SORCS2: variants seen among roughly 807,000 people sequenced by gnomAD.
SORCS2 encodes VPS10 domain-containing receptor SorCS2.
In SORCS2, 100 loss-of-function variants were observed where a neutral mutation model predicts 141.6. The observed-to-expected ratio is 0.71, with a 90% CI of 0.60 to 0.83. The LOEUF is 0.83. SORCS2 is among the 40% of genes least tolerant of loss of function. The pLI, the probability that SORCS2 is intolerant of heterozygous loss-of-function variation, is 0.00. For missense variants in SORCS2, 1,646 were observed against 1,560.2 expected (o/e 1.05, Z -0.93); for synonymous variants, 789 against 676.9 (o/e 1.17, Z -2.57).
chr4:7,219,930 C>T (rs537913077), intron 1 of SORCS2, among the ~76,000 whole-genome samples: 1 of 152,352 alleles, frequency 6.6e-6, no homozygotes, highest in African/African-American at 2.4e-5. Context: ...TCGTGTTCCA[C>T]CGTGATGACT....
At chr4:7,338,206 T>G (rs58185145) in intron 1 of SORCS2, among the ~76,000 whole-genome samples, 2 of 123,208 alleles carry the variant, frequency 1.6e-5, no homozygotes, top group African/African-American at 3.2e-5. Flanking sequence ...TGGATGTTGG[T>G]TGGATGGATG....
intron 1 of SORCS2, among the ~76,000 whole-genome samples, chr4:7,268,458 C>G (rs765923134): frequency 1.4e-4 from 21 of 152,184 alleles, no homozygotes; most frequent in Non-Finnish European, 2.2e-4. Flanking sequence ...GCAATGGGGC[C>G]GTCAAACTGA....
intron 1 of SORCS2, among the ~76,000 whole-genome samples, chr4:7,293,911 G>A (rs538286773): frequency 5.9e-5 from 9 of 152,314 alleles, no homozygotes; most frequent in African/African-American, 1.7e-4. Context: ...CCAGCAGGGC[G>A]CATTTGGATG....
At chr4:7,401,459 A>C (rs1290963537) in intron 2 of SORCS2, among the ~76,000 whole-genome samples, 1 of 152,124 alleles carries the variant, frequency 6.6e-6, no homozygotes, top group Non-Finnish European at 1.5e-5. Flanking sequence ...GGGTCATCTT[A>C]GGGGATGCTG....
intron 1 of SORCS2, among the ~76,000 whole-genome samples, chr4:7,358,237 C>T (rs763444353): frequency 4.6e-5 from 7 of 152,152 alleles, no homozygotes; most frequent in African/African-American, 1.2e-4. Context: ...GAAGAGGGGC[C>T]GTTGATGGCC....
At chr4:7,407,335 T>C (rs573180442) in intron 2 of SORCS2, among the ~76,000 whole-genome samples, 2 of 152,240 alleles carry the variant, frequency 1.3e-5, no homozygotes, top group East Asian at 1.9e-4. Context: ...GATTTATTAA[T>C]GTTTGCTTTA....
intron 2 of SORCS2, among the ~76,000 whole-genome samples, chr4:7,448,109 T>C (rs926231442): frequency 4.6e-5 from 7 of 152,212 alleles, no homozygotes; most frequent in African/African-American, 7.2e-5. Context: ...GAGAGTCCAC[T>C]GTGGGAAGAA....
intron 2 of SORCS2, among the ~76,000 whole-genome samples, chr4:7,503,297 G>T (rs1290414774): frequency 2.0e-5 from 3 of 152,200 alleles, no homozygotes; most frequent in African/African-American, 7.2e-5. Flanking sequence ...AAAGAAAGTG[G>T]TGAGGCTGCC....
At chr4:7,280,288 C>G (rs6858286) in intron 1 of SORCS2, among the ~76,000 whole-genome samples, 36,799 of 151,978 alleles carry the variant, frequency 0.24, 4,709 homozygotes, top group Non-Finnish European at 0.26. Context: ...GGCACTGGGT[C>G]TCTCCCAGGG....
chr4:7,734,961 G>A (rs1310858151), intron 25 of SORCS2, among the ~76,000 whole-genome samples: 1 of 152,192 alleles, frequency 6.6e-6, no homozygotes, highest in Non-Finnish European at 1.5e-5. Context: ...TATTGGGAGG[G>A]GCTTTCATAC....
At chr4:7,452,240 A>G (rs927422319) in intron 2 of SORCS2, among the ~76,000 whole-genome samples, 8 of 151,748 alleles carry the variant, frequency 5.3e-5, no homozygotes, top group Non-Finnish European at 1.0e-4. Flanking sequence ...TCCTATGTTC[A>G]GGCAATTCGC....
At chr4:7,583,850 T>G (rs1716348735) in intron 3 of SORCS2, among the ~76,000 whole-genome samples, 1 of 152,218 alleles carries the variant, frequency 6.6e-6, no homozygotes. Context: ...GAAGCTCAAA[T>G]GTGGTTCAGT....
rs1356767353 is a variant in SORCS2, at chr4:7,732,383, GGGAGGGAGTGAGAGGGGTGA to G, written c.3109-933_3109-914del. ...GACCTGGGAAGTAGTGAGAGGGGCC[GGGAGGGAGTGAGAGGGGTGA>G]GGAGGAAGCCCTCCTCTGCGCCGGG... On this transcript the variant is annotated intron_variant, in intron 23 of 26. Transcript: ENST00000507866. Among the ~76,000 whole-genome samples, 5 of 152,270 alleles carry G rather than the reference GGGAGGGAGTGAGAGGGGTGA, an allele frequency of 3.3e-5. No individual in the cohort carries two copies. In the East Asian group the frequency reaches 9.7e-4, roughly 29 times the overall value.
chr4:7,348,948 G>C (rs1373823291), intron 1 of SORCS2, among the ~76,000 whole-genome samples: 4 of 152,186 alleles, frequency 2.6e-5, no homozygotes, highest in African/African-American at 9.7e-5. Context: ...AACACATTTG[G>C]AGCATGATAG....
At chr4:7,237,922 T>C (rs887659513) in intron 1 of SORCS2, among the ~76,000 whole-genome samples, 3 of 152,122 alleles carry the variant, frequency 2.0e-5, no homozygotes, top group Admixed American at 2.0e-4. Context: ...TTCCTTTTGC[T>C]TCTAAATTAG....
intron 3 of SORCS2, among the ~76,000 whole-genome samples, chr4:7,579,707 GA>G (rs1342324703): frequency 6.6e-6 from 1 of 152,192 alleles, no homozygotes; most frequent in Non-Finnish European, 1.5e-5. Context: ...GGCCTTGTGT[GA>G]AGCATTCAGT....
intron 1 of SORCS2, among the ~76,000 whole-genome samples, chr4:7,318,303 A>G (rs1037354137): frequency 2.0e-5 from 3 of 152,170 alleles, no homozygotes; most frequent in African/African-American, 4.8e-5. Flanking sequence ...CCGAGGTGCT[A>G]GTGCTCAAAT....
intron 1 of SORCS2, among the ~76,000 whole-genome samples, chr4:7,350,208 C>G (rs3913440): frequency 6.6e-6 from 1 of 152,234 alleles, no homozygotes; most frequent in Non-Finnish European, 1.5e-5. Context: ...TGAAGGGAAT[C>G]TGTCCTTCCA....
intron 1 of SORCS2, among the ~76,000 whole-genome samples, chr4:7,229,623 G>A (rs78708293): frequency 0.055 from 8,420 of 152,322 alleles, 475 homozygotes; most frequent in East Asian, 0.27. Flanking sequence ...GGCATAGAGG[G>A]CTGAGGTCAC....
Sources: gnomAD v4.1 joint callset for allele counts (sites outside exome capture counted in the v4.1 genomes callset) on GRCh38, gnomAD v4.1.1 for gene constraint, MANE v1.5 for transcripts, NCBI Gene and HGNC (gene_info 2026-07-23, HGNC 2026-07-21) for gene names.